The following ANAPC4 variants were observed in gnomAD, a reference collection of about 807,000 sequenced individuals.
The protein encoded by ANAPC4 is anaphase promoting complex subunit 4, also known as anaphase-promoting complex subunit 4.
In ANAPC4, 63 loss-of-function variants were observed where a neutral mutation model predicts 119.8. The observed-to-expected ratio is 0.53, with a 90% CI of 0.43 to 0.65. The LOEUF (loss-of-function observed/expected upper bound fraction) is 0.65. Among genes scored for constraint, ANAPC4 ranks in the 30% least tolerant of loss-of-function variants. The pLI is 0.00. For synonymous variants in ANAPC4, 283 were observed against 318.6 expected, an observed-to-expected ratio of 0.89 and a Z score of 1.19; for missense variants, 716 against 945.1, an observed-to-expected ratio of 0.76 and a Z score of 3.18.
At position 25,394,881 on chromosome 4, in the gene ANAPC4, A is replaced by G. The variant is rs1046045943; in HGVS notation, c.1037A>G (p.Lys346Arg). The G allele has an allele frequency of 1.2e-6, 2 of 1,613,302 alleles. No homozygotes were observed. The highest frequency in any genetic ancestry group is 2.7e-5 in the African/African-American group (2 of 74,916). Residue 346 changes from lysine (K) to arginine (R), a missense_variant, in exon 14 of 29, where the codon AAA (lysine) becomes AGA (arginine). Transcript: ENST00000315368. Reference sequence around the variant, plus strand: ...GAGTCATCATACTCCAGTATACAAAAATTGGTCATAAGTCATTTACAGAGG... The same window carrying G: ...GAGTCATCATACTCCAGTATACAAAGATTGGTCATAAGTCATTTACAGAGG... Reference protein sequence around the residue: ...SIESSYSSIQKLVISHLQSGS... With the variant: ...SIESSYSSIQRLVISHLQSGS...
chr4:25,389,307 C>T (rs1370468987), intron 7 of ANAPC4, among the ~76,000 whole-genome samples: 16 of 152,134 alleles, frequency 1.1e-4, no homozygotes, highest in Non-Finnish European at 1.5e-4. Context: ...TACAGGCACC[C>T]GCCACCAGGC....
chr4:25,392,256 G>A (rs991633382), intron 9 of ANAPC4, 82 bp from the exon 10 acceptor site: 32 of 948,464 alleles, frequency 3.4e-5, no homozygotes, highest in Admixed American at 2.7e-4. Flanking sequence ...TTTCTGATAC[G>A]TAGTTTGACC....
chr4:25,409,790 A>G lies in ANAPC4; in HGVS notation c.1524A>G (p.Lys508=). ...YDFLQNSSHL[K]ESPLLFPYYP... ...TTCTTCAAAATAGCAGCCACCTTAA[A>G]GGTACTTCATGAACCAACCAGATTT... The change falls in exon 21 of 29, where the codon AAA becomes AAG. Residue 508 remains lysine, a splice_region_variant and synonymous_variant. Transcript: ENST00000315368. 1 of 1,612,394 alleles carries G rather than the reference A, an allele frequency of 6.2e-7. No individual in the cohort carries two copies. Among genetic ancestry groups the G allele is most frequent in the Non-Finnish European group, 8.5e-7 (1 of 1,178,758 alleles).
intron 7 of ANAPC4, 56 bp from the exon 8 acceptor site, chr4:25,390,080 A>G (rs1007059061): frequency 2.4e-5 from 29 of 1,215,932 alleles, no homozygotes; most frequent in South Asian, 8.9e-5. Context: ...CGCTTTAACA[A>G]TGCAATCATC....
intron 26 of ANAPC4, 113 bp downstream of exon 26, chr4:25,415,653 C>A: frequency 1.3e-6 from 1 of 770,372 alleles, no homozygotes. Context: ...GGCTTTGCCA[C>A]TTCCCACATC....
chr4:25,383,194 G>A, intron 3 of ANAPC4, 67 bp from the exon 4 acceptor site: 1 of 1,418,980 alleles, frequency 7.0e-7, no homozygotes, highest in Admixed American at 2.5e-5. Context: ...TGGGCAATAA[G>A]GGAAATACCC....
chr4:25,387,860 T>G (rs1276805801), intron 4 of ANAPC4, among the ~76,000 whole-genome samples: 8 of 152,078 alleles, frequency 5.3e-5, no homozygotes, highest in Non-Finnish European at 1.2e-4. Flanking sequence ...TAGTAGGCCA[T>G]GCATAGTGGT....
At chr4:25,408,577 A>T (rs1723397797) in intron 20 of ANAPC4, among the ~76,000 whole-genome samples, 1 of 151,582 alleles carries the variant, frequency 6.6e-6, no homozygotes, top group Non-Finnish European at 1.5e-5. Flanking sequence ...TCTGAGTAGT[A>T]CAGTGGTGCA....
At chr4:25,382,652 A>C (rs539590091) in intron 3 of ANAPC4, among the ~76,000 whole-genome samples, 1 of 152,216 alleles carries the variant, frequency 6.6e-6, no homozygotes, top group Non-Finnish European at 1.5e-5. Context: ...GGATTGGTTC[A>C]CATCTGGCAA....
At chr4:25,415,120 C>T in intron 25 of ANAPC4, 1 of 204,304 alleles carries the variant, frequency 4.9e-6, no homozygotes, top group Non-Finnish European at 9.6e-6. Flanking sequence ...GAGGCCTTGC[C>T]TAACAGAGAC....
At chr4:25,397,030 T>G (rs745387336) in intron 16 of ANAPC4, 131 bp downstream of exon 16, 25 of 917,314 alleles carry the variant, frequency 2.7e-5, no homozygotes, top group Non-Finnish European at 4.1e-5. Flanking sequence ...TGCCTTTATA[T>G]GGTTCCGAAA....
intron 16 of ANAPC4, among the ~76,000 whole-genome samples, chr4:25,402,743 G>T (rs1240862302): frequency 6.6e-6 from 1 of 152,040 alleles, no homozygotes; most frequent in Non-Finnish European, 1.5e-5. Flanking sequence ...GTAACCAGTT[G>T]GAATCTAAGT....
At chr4:25,413,938 TG>T in intron 22 of ANAPC4, 196 bp downstream of exon 22, 1 of 529,360 alleles carries the variant, frequency 1.9e-6, no homozygotes, top group South Asian at 3.0e-5. Flanking sequence ...CACGTGTGTG[TG>T]TGTGTGTGTG....
At chr4:25,396,291 G>A (rs1043398327) in intron 14 of ANAPC4, among the ~76,000 whole-genome samples, 3 of 152,252 alleles carry the variant, frequency 2.0e-5, no homozygotes, top group Non-Finnish European at 2.9e-5. Flanking sequence ...TGTGTTCACC[G>A]TTATGTCCCC....
At chr4:25,417,503 A>G (rs1279490335) in intron 27 of ANAPC4, 113 bp from the exon 28 acceptor site, 1 of 1,058,790 alleles carries the variant, frequency 9.4e-7, no homozygotes, top group Non-Finnish European at 1.3e-6. Context: ...TATATTGGAA[A>G]TAGAAGTATG....
chr4:25,395,751 T>C (rs1722613023), intron 14 of ANAPC4, among the ~76,000 whole-genome samples: 1 of 151,900 alleles, frequency 6.6e-6, no homozygotes, highest in African/African-American at 2.4e-5. Context: ...CACCTGGTGG[T>C]GTTTGGTTTA....
At chr4:25,414,406 G>A in intron 23 of ANAPC4, 21 bp downstream of exon 23, 1 of 1,600,856 alleles carries the variant, frequency 6.2e-7, no homozygotes, top group Non-Finnish European at 8.5e-7. Context: ...TTACCTATTG[G>A]ATGGTGTAAT....
Position 25,396,747 on chromosome 4 carries a change from A to G in ANAPC4, c.1145A>G (p.Asp382Gly), listed in dbSNP as rs148354654. 5.0e-5 allele frequency: 81 copies of G among 1,613,522 alleles called. No individual in the cohort carries two copies. The highest frequency in any genetic ancestry group is 5.0e-4 in the Middle Eastern group (3 of 6,056). ...CAAAAATATGAACCTCTTGGACTAG[A>G]TGCTGCAGGAATCGAAGGTAGTGAT... is the stretch of plus-strand genomic sequence containing the variant. ...WKQKYEPLGL[D>G]AAGIEEAITA... The change falls in exon 15 of 29, where the codon GAT (aspartate) becomes GGT (glycine). Residue 382 changes from aspartate (D) to glycine (G), a missense_variant. Asp to Gly is a moderately conservative substitution (Grantham distance 94, BLOSUM62 -1). This residue lies in a region of ANAPC4 where 504 missense variants were observed against 615.8 expected (regional missense o/e 0.82). Transcript: ENST00000315368.
At chr4:25,380,306 G>A (rs1721640622) in intron 2 of ANAPC4, 68 bp from the exon 3 acceptor site, 4 of 1,280,674 alleles carry the variant, frequency 3.1e-6, no homozygotes. Context: ...TTTTAGTAGG[G>A]ATCTAGGTTT....
Sources: gnomAD v4.1 joint callset for allele counts (sites outside exome capture counted in the v4.1 genomes callset) on GRCh38, gnomAD v4.1.1 for gene constraint, gnomAD v4.1.1 regional missense constraint, MANE v1.5 for transcripts, NCBI Gene and HGNC (gene_info 2026-07-23, HGNC 2026-07-21) for gene names.